Variants in GSTCD observed in about 807,000 individuals in gnomAD.
GSTCD encodes glutathione S-transferase C-terminal domain-containing protein.
Under a neutral mutation model 68.3 loss-of-function variants are expected in GSTCD, and 44 were observed. The ratio of observed to expected loss-of-function variants is 0.64; its 90% confidence interval spans 0.51 to 0.83. The LOEUF (loss-of-function observed/expected upper bound fraction) is 0.83, where lower values mean the gene tolerates loss of function less well. Ranked by LOEUF, GSTCD falls within the 40% of genes least tolerant of loss-of-function variation. The pLI is 0.00. For missense variants in GSTCD, 739 were observed against 735.9 expected (o/e 1.00, Z -0.05); for synonymous variants, 273 against 255.2 (o/e 1.07, Z -0.67).
At chr4:105,713,528 CTAAA>C (rs1311487172) in intron 1 of GSTCD, among the ~76,000 whole-genome samples, 3 of 152,132 alleles carry the variant, frequency 2.0e-5, no homozygotes, top group Admixed American at 6.5e-5. Flanking sequence ...TTAAATGTCT[CTAAA>C]TAAGATCTTT....
At chr4:105,765,721 T>C (rs539741972) in intron 5 of GSTCD, among the ~76,000 whole-genome samples, 1 of 152,250 alleles carries the variant, frequency 6.6e-6, no homozygotes, top group South Asian at 2.1e-4. Context: ...GGAGGGACCT[T>C]GTGGGAGGTG....
chr4:105,774,994 A>G (rs1195361195), intron 5 of GSTCD, among the ~76,000 whole-genome samples: 13 of 55,662 alleles, frequency 2.3e-4, no homozygotes, highest in Admixed American at 2.2e-3. Context: ...AGGTACACCA[A>G]TCAAACTTAG....
At chr4:105,743,783 C>T (rs1419136637) in intron 5 of GSTCD, among the ~76,000 whole-genome samples, 5 of 150,808 alleles carry the variant, frequency 3.3e-5, no homozygotes, top group African/African-American at 7.3e-5. Flanking sequence ...CTCAGCCTCT[C>T]GAGTAGCTGG....
chr4:105,791,939 T>G (rs1191420743), intron 5 of GSTCD, among the ~76,000 whole-genome samples: 1 of 152,140 alleles, frequency 6.6e-6, no homozygotes, highest in African/African-American at 2.4e-5. Flanking sequence ...AATAAGCATT[T>G]ATATCTAAAA....
intron 5 of GSTCD, among the ~76,000 whole-genome samples, chr4:105,776,286 G>A (rs1735058905): frequency 6.6e-6 from 1 of 152,150 alleles, no homozygotes; most frequent in South Asian, 2.1e-4. Flanking sequence ...TGTGGGGGTG[G>A]AATCTGCTGA....
intron 8 of GSTCD, among the ~76,000 whole-genome samples, chr4:105,830,212 G>A (rs751697998): frequency 6.6e-6 from 1 of 152,116 alleles, no homozygotes; most frequent in African/African-American, 2.4e-5. Flanking sequence ...AACACCAAGG[G>A]TGAACAGATT....
rs1722662127 is a variant in GSTCD, at chr4:105,809,320, T to G, written c.1241-13634T>G. On this transcript the variant is annotated intron_variant, in intron 5 of 11. Transcript: ENST00000515279. ...GTCGGGTTCAATACTATCTGAGGTT[T>G]CAGTCATTCACTGAAGGTCTTAGAA... 2.6e-5 allele frequency among the ~76,000 whole-genome samples: 4 copies of G among 152,050 alleles called. No individual in the cohort carries two copies. The South Asian group carries it at 8.3e-4, about 31-fold the overall frequency.
Position 105,823,049 on chromosome 4 carries a change from G to A in GSTCD, c.1336G>A (p.Val446Met). Residue 446 changes from valine to methionine, a missense_variant, in exon 6 of 12, where the codon GTG becomes ATG. Transcript: ENST00000515279. ...TNQAKPGDRI[V>M]DFCSGGGHVG... ...TCAGGCCAAACCTGGTGACAGAATTGTGGATTTCTGCAGCGGTGGGGTATT... is the reference window on the plus strand; with the variant it reads ...TCAGGCCAAACCTGGTGACAGAATTATGGATTTCTGCAGCGGTGGGGTATT... 8 of 1,613,682 alleles carry A rather than the reference G, an allele frequency of 5.0e-6. No individual in the cohort carries two copies. Among genetic ancestry groups the A allele is most frequent in the Non-Finnish European group, 5.9e-6 (7 of 1,179,628 alleles).
intron 10 of GSTCD, among the ~76,000 whole-genome samples, chr4:105,838,492 C>G (rs1271523097): frequency 6.6e-6 from 1 of 152,226 alleles, no homozygotes; most frequent in Non-Finnish European, 1.5e-5. Context: ...TGGTTTACAA[C>G]TCTTTAAATA....
intron 5 of GSTCD, among the ~76,000 whole-genome samples, chr4:105,804,746 C>T (rs1392955864): frequency 6.6e-6 from 1 of 152,080 alleles, no homozygotes; most frequent in Non-Finnish European, 1.5e-5. Flanking sequence ...ATCCCATCAC[C>T]TAGGAATTAA....
Position 105,708,825 on chromosome 4 carries a change from C to G in GSTCD, c.-213C>G, listed in dbSNP as rs898238566. ...CGGTCCGCCGGATTATGAATGACGG[C>G]CGGCGCGAGTATTTTCCACATAAGG... On this transcript the variant is annotated 5_prime_UTR_variant, in exon 1 of 12. Transcript: ENST00000515279. 1.3e-5 allele frequency: 2 copies of G among 154,442 alleles called. No individual in the cohort carries two copies. The highest frequency in any genetic ancestry group is 4.8e-5 in the African/African-American group (2 of 41,480). 9.6% of individuals were successfully genotyped at this position (154,442 alleles called of 1,614,324 possible). A position where few individuals can be genotyped will look rare whatever the true frequency, so the allele number is the denominator to read the frequency against.
intron 9 of GSTCD, 71 bp from the exon 10 acceptor site, chr4:105,837,788 T>C: frequency 1.5e-6 from 1 of 658,098 alleles, no homozygotes; most frequent in South Asian, 1.8e-5. Flanking sequence ...TTTTATATAA[T>C]TTAGTTTCTT....
At chr4:105,712,275 T>C (rs1419465067) in intron 1 of GSTCD, among the ~76,000 whole-genome samples, 6 of 152,262 alleles carry the variant, frequency 3.9e-5, no homozygotes, top group Admixed American at 1.3e-4. Context: ...TGAGTTAATA[T>C]TTATGCAGAA....
intron 1 of GSTCD, among the ~76,000 whole-genome samples, chr4:105,711,299 ACTT>A (rs1434420058): frequency 3.9e-5 from 6 of 152,220 alleles, no homozygotes; most frequent in African/African-American, 1.2e-4. Flanking sequence ...ACTGTGTTGA[ACTT>A]CTTATTTTGT....
intron 5 of GSTCD, among the ~76,000 whole-genome samples, chr4:105,775,807 C>T (rs1488703515): frequency 2.0e-5 from 3 of 152,150 alleles, no homozygotes; most frequent in Non-Finnish European, 4.4e-5. Flanking sequence ...AGGTGTCTCC[C>T]AGTCAGGAGG....
chr4:105,780,332 G>A (rs1222512554), intron 5 of GSTCD, among the ~76,000 whole-genome samples: 1 of 152,208 alleles, frequency 6.6e-6, no homozygotes, highest in African/African-American at 2.4e-5. Flanking sequence ...TTGTTCATTG[G>A]CTCACTGGTT....
At chr4:105,726,555 G>A in intron 3 of GSTCD, 24 bp from the exon 4 acceptor site, 2 of 1,434,624 alleles carry the variant, frequency 1.4e-6, no homozygotes, top group Non-Finnish European at 1.9e-6. Flanking sequence ...ATATAATAAT[G>A]TGTTTTATTA....
rs746600762 is a variant in GSTCD at position 105,717,601 on chromosome 4, A to G, written c.-13A>G. The G allele has an allele frequency of 1.3e-5, 20 of 1,532,744 alleles. No homozygotes were observed. Among genetic ancestry groups the G allele is most frequent in the Admixed American group, 6.5e-5 (3 of 46,088 alleles). The allele number at this position is 1,532,744 out of a possible 1,614,324, so 94.9% of individuals were successfully genotyped here. On this transcript the variant is annotated 5_prime_UTR_variant, in exon 2 of 12. An upstream start codon of the reference 5' UTR is lost. Coordinates refer to ENST00000515279, the MANE Select transcript of GSTCD (RefSeq NM_001370181.1). ...TTCAATTTATACTTTAGGTGACCCA[A>G]TGAAAGAAGAAAATGAAAGCCATAA... is the stretch of plus-strand genomic sequence containing the variant.
intron 5 of GSTCD, among the ~76,000 whole-genome samples, chr4:105,743,804 G>A (rs966045611): frequency 5.3e-5 from 8 of 151,664 alleles, no homozygotes; most frequent in Middle Eastern, 3.4e-3. Context: ...GACTACAGGC[G>A]CCCGCCACCA....
Sources: allele counts gnomAD v4.1 joint callset (sites outside exome capture counted in the v4.1 genomes callset), GRCh38; gene constraint gnomAD v4.1.1; transcripts MANE v1.5; gene names NCBI Gene and HGNC (gene_info 2026-07-23, HGNC 2026-07-21).